The following RTL4 variants were observed in gnomAD, a reference collection of about 807,000 sequenced individuals.
RTL4 encodes retrotransposon Gag-like protein 4.
RTL4 carries 4 observed loss-of-function variants against 5.3 expected under a neutral mutation model. The ratio of observed to expected loss-of-function variants is 0.75; its 90% CI spans 0.37 to 1.72. RTL4 has a LOEUF of 1.72. Among genes scored for constraint, RTL4 ranks in the 40% most tolerant of loss-of-function variants. RTL4 has a pLI of 0.04. For missense variants in RTL4, 260 were observed against 227.1 expected, an observed-to-expected ratio of 1.14 and a Z score of -0.93; for synonymous variants, 98 against 87.3, an observed-to-expected ratio of 1.12 and a Z score of -0.68.
At chrX:112,152,822 A>G in the RTL4 span, among the ~76,000 whole-genome samples, 1 of 111,758 alleles carries the variant, frequency 8.9e-6, no homozygotes, top group Non-Finnish European at 1.9e-5. Context: ...ACCATTTGAC[A>G]TAGGTTCTTC....
chrX:112,148,327 C>CA, the RTL4 span, among the ~76,000 whole-genome samples: 1,081 of 62,150 alleles, frequency 0.017, 11 homozygotes, highest in Middle Eastern at 0.073. Flanking sequence ...TGACTGAGTG[C>CA]AAAAAAAAAA....
the RTL4 span, among the ~76,000 whole-genome samples, chrX:112,114,503 T>C: frequency 6.3e-5 from 7 of 111,897 alleles, no homozygotes; most frequent in South Asian, 2.6e-3. Context: ...ATGTAGGACA[T>C]CTATATACCT....
At chrX:112,392,819 C>G in the RTL4 span, among the ~76,000 whole-genome samples, 1 of 111,944 alleles carries the variant, frequency 8.9e-6, no homozygotes, top group Non-Finnish European at 1.9e-5. Flanking sequence ...ATTGAATACC[C>G]TCTTTAAAAA....
At chrX:112,144,523 A>G in the RTL4 span, among the ~76,000 whole-genome samples, 1 of 111,404 alleles carries the variant, frequency 9.0e-6, no homozygotes, top group Admixed American at 9.5e-5. Flanking sequence ...CTCAAAGGAA[A>G]AAACGTAGGC....
the RTL4 span, among the ~76,000 whole-genome samples, chrX:112,281,615 T>C: frequency 9.0e-6 from 1 of 111,475 alleles, no homozygotes; most frequent in East Asian, 2.8e-4. Flanking sequence ...CAACAGTGTG[T>C]AAGAGTACCC....
chrX:112,270,278 T>G, the RTL4 span, among the ~76,000 whole-genome samples: 2 of 112,475 alleles, frequency 1.8e-5, no homozygotes, highest in African/African-American at 3.2e-5. Flanking sequence ...AAATTACTAA[T>G]GGATTAATCA....
the RTL4 span, among the ~76,000 whole-genome samples, chrX:112,117,202 C>A: frequency 6.4e-5 from 7 of 109,412 alleles, no homozygotes; most frequent in South Asian, 2.8e-3. Context: ...ACCACATAAT[C>A]GTTATATGGT....
At chrX:112,317,294 T>A in the RTL4 span, among the ~76,000 whole-genome samples, 14 of 111,805 alleles carry the variant, frequency 1.3e-4, no homozygotes, top group Non-Finnish European at 2.4e-4. Flanking sequence ...TGAGCCGAGA[T>A]GGCGCCACAG....
the RTL4 span, among the ~76,000 whole-genome samples, chrX:112,207,639 GTTT>G: frequency 3.3e-3 from 303 of 91,182 alleles, no homozygotes; most frequent in African/African-American, 0.011. Context: ...TAGTGGCATT[GTTT>G]TTTTTTTTTT....
At chrX:112,294,784 G>T in the RTL4 span, among the ~76,000 whole-genome samples, 1 of 111,777 alleles carries the variant, frequency 8.9e-6, no homozygotes, top group East Asian at 2.8e-4. Flanking sequence ...GTGTTTTTTA[G>T]ATGGCCAACT....
the RTL4 span, among the ~76,000 whole-genome samples, chrX:112,146,474 T>A: frequency 9.0e-6 from 1 of 111,177 alleles, no homozygotes. Flanking sequence ...GATAATACAT[T>A]TATGATTTTT....
At chrX:112,278,165 C>A in the RTL4 span, among the ~76,000 whole-genome samples, 51 of 112,177 alleles carry the variant, frequency 4.5e-4, no homozygotes, top group African/African-American at 1.6e-3. Flanking sequence ...ATTGTCTTAT[C>A]GGACATTCAC....
At chrX:112,387,017 A>AT in the RTL4 span, among the ~76,000 whole-genome samples, 19,198 of 105,905 alleles carry the variant, frequency 0.18, 1,386 homozygotes, top group Admixed American at 0.3. Context: ...GCCAACATCT[A>AT]TTTTTTTTTT....
At chrX:112,163,133 T>C in the RTL4 span, among the ~76,000 whole-genome samples, 2 of 111,962 alleles carry the variant, frequency 1.8e-5, no homozygotes, top group South Asian at 7.5e-4. Context: ...GGATCATTCA[T>C]ACCATGTGTG....
chrX:112,381,124 C>T, the RTL4 span, among the ~76,000 whole-genome samples: 1 of 110,950 alleles, frequency 9.0e-6, no homozygotes, highest in Non-Finnish European at 1.9e-5. Flanking sequence ...AACGGATAAA[C>T]TACGGGAGCT....
the RTL4 span, among the ~76,000 whole-genome samples, chrX:112,266,350 C>T: frequency 1.2e-4 from 13 of 111,197 alleles, no homozygotes; most frequent in African/African-American, 4.2e-4. Flanking sequence ...TGACTCAGAA[C>T]GACTGCAGGA....
chrX:112,290,170 C>A, the RTL4 span, among the ~76,000 whole-genome samples: 3 of 111,507 alleles, frequency 2.7e-5, no homozygotes, highest in East Asian at 8.5e-4. Context: ...AAATTATTGT[C>A]TGGAATGCAG....
the RTL4 span, among the ~76,000 whole-genome samples, chrX:112,399,344 G>A: frequency 2.7e-5 from 3 of 110,917 alleles, no homozygotes; most frequent in African/African-American, 9.8e-5. Context: ...CTCTATTATA[G>A]CTTTTCTTTG....
the RTL4 span, among the ~76,000 whole-genome samples, chrX:112,172,137 C>T: frequency 8.9e-6 from 1 of 112,012 alleles, no homozygotes; most frequent in African/African-American, 3.2e-5. Context: ...CCAGCCTGGC[C>T]AACATGGTGA....
Sources: gnomAD v4.1 joint callset for allele counts (sites outside exome capture counted in the v4.1 genomes callset) on GRCh38, gnomAD v4.1.1 for gene constraint, MANE v1.5 for transcripts, NCBI Gene and HGNC (gene_info 2026-07-23, HGNC 2026-07-21) for gene names.